The following SMCHD1 variants were observed in gnomAD, a reference collection of about 807,000 sequenced individuals.
The protein encoded by SMCHD1 is structural maintenance of chromosomes flexible hinge domain-containing protein 1.
A neutral mutation model predicts 254.7 loss-of-function variants in SMCHD1; 78 were observed. The observed-to-expected ratio is 0.31, with a 90% CI of 0.26 to 0.37. The LOEUF (loss-of-function observed/expected upper bound fraction) is 0.37, where lower values mean the gene tolerates loss of function less well. Ranked by LOEUF, SMCHD1 falls within the 10% of genes least tolerant of loss-of-function variation. The pLI, the probability that SMCHD1 is intolerant of heterozygous loss-of-function variation, is 1.00. For missense variants in SMCHD1, 1,840 were observed against 2,408.1 expected, an observed-to-expected ratio of 0.76 and a Z score of 4.94; for synonymous variants, 766 against 794.9, an observed-to-expected ratio of 0.96 and a Z score of 0.61.
At chr18:2,710,200 G>C (rs2074634844) in intron 17 of SMCHD1, among the ~76,000 whole-genome samples, 1 of 152,150 alleles carries the variant, frequency 6.6e-6, no homozygotes, top group African/African-American at 2.4e-5. Flanking sequence ...AAAGTCAGTT[G>C]ACCACATATG....
intron 12 of SMCHD1, 133 bp downstream of exon 12, chr18:2,701,051 A>G: frequency 1.6e-6 from 1 of 637,534 alleles, no homozygotes; most frequent in Middle Eastern, 4.7e-4. Flanking sequence ...TTTTATGAGC[A>G]GTCAAGTGTT....
At chr18:2,712,130 T>G (rs2074691292) in intron 17 of SMCHD1, among the ~76,000 whole-genome samples, 1 of 152,134 alleles carries the variant, frequency 6.6e-6, no homozygotes, top group South Asian at 2.1e-4. Flanking sequence ...TAGACTAAGG[T>G]GAGTTCTTTT....
In SMCHD1 at chr18:2,772,323, C is replaced by T. The variant is rs151311806; in HGVS notation, c.5126C>T (p.Ser1709Leu). The T allele has an allele frequency of 2.8e-4, 455 of 1,606,976 alleles. 6 individuals carry two copies. The East Asian group carries it at 9.8e-3, about 35-fold the overall frequency. The change falls in exon 41 of 48, where the codon TCG (serine) becomes TTG (leucine). Residue 1709 changes from serine (S) to leucine (L), a missense_variant. Transcript: ENST00000320876. ...GAACTGAAGAAAAAACCTAGAAGAT[C>T]GTGTACTCTTCCAAACTATACTAAA... ...QEELKKKPRR[S>L]CTLPNYTKGS... is the part of the protein sequence containing the mutation.
chr18:2,689,446 C>G (rs2074125006), intron 7 of SMCHD1, among the ~76,000 whole-genome samples: 1 of 151,798 alleles, frequency 6.6e-6, no homozygotes, highest in Non-Finnish European at 1.5e-5. Flanking sequence ...GTTTTGAACT[C>G]CTGACCTCAA....
At chr18:2,752,403 G>A in intron 33 of SMCHD1, 85 bp from the exon 34 acceptor site, 2 of 805,690 alleles carry the variant, frequency 2.5e-6, no homozygotes, top group South Asian at 2.9e-5. Context: ...TTCAGTTTAG[G>A]TATATAATAA....
chr18:2,661,507 AAAACATCTGTGGGTTTTTAATATGGATT>A (rs2073252620), intron 1 of SMCHD1, among the ~76,000 whole-genome samples: 4 of 150,552 alleles, frequency 2.7e-5, no homozygotes, highest in South Asian at 2.1e-4. Flanking sequence ...TATGGATTAA[AAAACATCTGTGGGTTTTTAATATGGATT>A]AAACATCTGT....
chr18:2,789,949 C>T (rs996156485), intron 45 of SMCHD1, among the ~76,000 whole-genome samples: 2 of 152,094 alleles, frequency 1.3e-5, no homozygotes, highest in South Asian at 2.1e-4. Context: ...TTTGGGAGGC[C>T]GAGGCGGGTG....
intron 2 of SMCHD1, 106 bp from the exon 3 acceptor site, chr18:2,666,764 C>T: frequency 1.1e-6 from 1 of 907,502 alleles, no homozygotes; most frequent in Non-Finnish European, 1.6e-6. Flanking sequence ...TTTTTCTTTA[C>T]CATCATTAAA....
intron 35 of SMCHD1, among the ~76,000 whole-genome samples, chr18:2,761,583 G>A (rs2075784616): frequency 1.3e-5 from 2 of 152,286 alleles, no homozygotes; most frequent in African/African-American, 2.4e-5. Context: ...TTGGGAGGCC[G>A]AGGTGGGCAG....
At position 2,777,931 on chromosome 18, in the gene SMCHD1, G is replaced by T. The variant is rs1317143739; in HGVS notation, c.5476+16G>T. On this transcript the variant is annotated intron_variant, in intron 43 of 47. Coordinates refer to ENST00000320876, the MANE Select transcript of SMCHD1 (RefSeq NM_015295.3). ...TGTGAAACAGGTAAAAGACATTATG[G>T]TGACTTTACTTTTGTACAGATGTTA... 9.8e-6 allele frequency: 14 copies of T among 1,423,576 alleles called. No individual in the cohort carries two copies. Among genetic ancestry groups the T allele is most frequent in the Middle Eastern group, 1.8e-4 (1 of 5,674 alleles). 88.2% of individuals were successfully genotyped at this position (1,423,576 alleles called of 1,614,324 possible). A position where few individuals can be genotyped will look rare whatever the true frequency, so the allele number is the denominator to read the frequency against.
chr18:2,804,786 A>G lies in SMCHD1; in HGVS notation c.*2234A>G, dbSNP rs1311554343. The stretch of plus-strand genomic sequence containing the variant: ...ATATGTAACACGTAAGAACAATTGA[A>G]ATTTTCTTCTAAGATTTAATACTAG... On this transcript the variant is annotated 3_prime_UTR_variant, in exon 48 of 48. Transcript: ENST00000320876. 6.6e-6 allele frequency: 1 copy of G among 152,230 alleles called. No individual in the cohort carries two copies. Among genetic ancestry groups the G allele is most frequent in the Non-Finnish European group, 1.5e-5 (1 of 68,032 alleles). The allele number at this position is 152,230 out of a possible 1,614,324, so 9.4% of individuals were successfully genotyped here. A position where few individuals can be genotyped will look rare whatever the true frequency, so the allele number is the denominator to read the frequency against.
intron 1 of SMCHD1, among the ~76,000 whole-genome samples, chr18:2,660,075 A>G (rs572549407): frequency 6.6e-6 from 1 of 152,280 alleles, no homozygotes; most frequent in African/African-American, 2.4e-5. Context: ...TGTAATCCCA[A>G]CACTTCGGGA....
chr18:2,789,954 C>T (rs538927108), intron 45 of SMCHD1, among the ~76,000 whole-genome samples: 42 of 152,246 alleles, frequency 2.8e-4, no homozygotes, highest in African/African-American at 9.1e-4. Flanking sequence ...GAGGCCGAGG[C>T]GGGTGGATCA....
chr18:2,667,339 T>C lies in SMCHD1; in HGVS notation c.424+308T>C, dbSNP rs370808705. On this transcript the variant is annotated intron_variant, in intron 3 of 47. Transcript: ENST00000320876. ...CTTCTCCTGATTTCCTAGCCTCCCATAGACCTTTCCCAATTAAGAAAATAC... is the reference window on the plus strand; with the variant it reads ...CTTCTCCTGATTTCCTAGCCTCCCACAGACCTTTCCCAATTAAGAAAATAC... 2.6e-5 allele frequency among the ~76,000 whole-genome samples: 4 copies of C among 152,310 alleles called. No homozygotes were observed. In the East Asian group the frequency reaches 5.8e-4, roughly 22 times the overall value.
chr18:2,726,235 C>G lies in SMCHD1; in HGVS notation c.2701-217C>G, dbSNP rs74885792. ...TGGAAAAGTAGATTCTACCATAATT[C>G]TCTTCCTTTCACTGTCTATAAGGAA... On this transcript the variant is annotated intron_variant, in intron 21 of 47. Coordinates refer to ENST00000320876, the MANE Select transcript of SMCHD1 (RefSeq NM_015295.3). Among the ~76,000 whole-genome samples the G allele has an allele frequency of 0.023, 3,454 of 151,992 alleles. 131 individuals are homozygous for G. Among genetic ancestry groups the G allele is most frequent in the African/African-American group, 0.079 (3,264 of 41,506 alleles).
intron 1 of SMCHD1, among the ~76,000 whole-genome samples, chr18:2,663,712 A>G (rs1300892160): frequency 7.0e-6 from 1 of 143,124 alleles, no homozygotes; most frequent in Non-Finnish European, 1.5e-5. Context: ...CCACTGGTCT[A>G]TTCCAGGAAT....
intron 5 of SMCHD1, among the ~76,000 whole-genome samples, chr18:2,685,777 G>GT (rs1598313250): frequency 6.6e-6 from 1 of 152,172 alleles, no homozygotes; most frequent in Admixed American, 6.5e-5. Flanking sequence ...GATCATCCAT[G>GT]TTGTAGCATG....
intron 47 of SMCHD1, chr18:2,796,969 GTAA>G (rs1362165744): frequency 1.3e-5 from 2 of 151,820 alleles, no homozygotes; most frequent in African/African-American, 4.8e-5. Context: ...AAAAAATAAA[GTAA>G]TAATGAAGAT....
chr18:2,772,059 A>G (rs1347700535), intron 40 of SMCHD1, among the ~76,000 whole-genome samples, 191 bp from the exon 41 acceptor site: 2 of 151,858 alleles, frequency 1.3e-5, no homozygotes, highest in Non-Finnish European at 2.9e-5. Flanking sequence ...TATTACTATA[A>G]CCATGGTTTT....
Sources: gnomAD v4.1 joint callset for allele counts (sites outside exome capture counted in the v4.1 genomes callset) on GRCh38, gnomAD v4.1.1 for gene constraint, MANE v1.5 for transcripts, NCBI Gene and HGNC (gene_info 2026-07-23, HGNC 2026-07-21) for gene names.